Variants in LIMCH1 observed in about 807,000 individuals in gnomAD.
LIMCH1 encodes the protein LIM and calponin homology domains 1.
In LIMCH1, 113 loss-of-function variants were observed where a neutral mutation model predicts 176.5. That is an observed-to-expected ratio of 0.64 (90% CI 0.55 to 0.75). The LOEUF is 0.75. LIMCH1 is among the 30% of genes least tolerant of loss of function. The pLI is 0.00. For synonymous variants in LIMCH1, 619 were observed against 645.9 expected (o/e 0.96, Z 0.63); for missense variants, 1,674 against 1,814.9 (o/e 0.92, Z 1.41).
chr4:41,363,309 T>G (rs1413337806), intron 1 of LIMCH1, among the ~76,000 whole-genome samples: 1 of 152,180 alleles, frequency 6.6e-6, no homozygotes, highest in Non-Finnish European at 1.5e-5. Context: ...GATTGGTATC[T>G]CGAGACAATT....
At chr4:41,380,861 A>T (rs145760654) in intron 1 of LIMCH1, among the ~76,000 whole-genome samples, 8 of 152,232 alleles carry the variant, frequency 5.3e-5, no homozygotes, top group Non-Finnish European at 1.2e-4. Context: ...GGAATAAAAT[A>T]ATCAGTATTT....
At chr4:41,658,204 C>CT (rs1346128602) in intron 18 of LIMCH1, among the ~76,000 whole-genome samples, 1 of 152,168 alleles carries the variant, frequency 6.6e-6, no homozygotes, top group Admixed American at 6.5e-5. Flanking sequence ...TACCTACCTC[C>CT]TAAGCTTGCT....
chr4:41,602,106 G>T, intron 2 of LIMCH1, among the ~76,000 whole-genome samples: 2 of 92,286 alleles, frequency 2.2e-5, no homozygotes, highest in East Asian at 4.2e-4. Flanking sequence ...TTTTCTTTTA[G>T]AAGAAACTTG....
chr4:41,600,204 A>G (rs1436863930), intron 2 of LIMCH1, among the ~76,000 whole-genome samples: 23 of 152,238 alleles, frequency 1.5e-4, no homozygotes, highest in Admixed American at 1.5e-3. Flanking sequence ...ACTAAGCGAA[A>G]AAATAACAGA....
At chr4:41,666,536 T>C in intron 20 of LIMCH1, 25 bp from the exon 21 acceptor site, 1 of 1,484,348 alleles carries the variant, frequency 6.7e-7, no homozygotes, top group Non-Finnish European at 9.4e-7. Flanking sequence ...TCTTGCAATA[T>C]TTATACCTGT....
At chr4:41,553,172 C>T (rs2080759011) in intron 1 of LIMCH1, among the ~76,000 whole-genome samples, 2 of 152,164 alleles carry the variant, frequency 1.3e-5, no homozygotes, top group East Asian at 3.9e-4. Context: ...TGATTTAGTT[C>T]TGTTATCATG....
chr4:41,413,486 T>A (rs1262004467), intron 1 of LIMCH1, among the ~76,000 whole-genome samples: 1 of 147,804 alleles, frequency 6.8e-6, no homozygotes, highest in Non-Finnish European at 1.5e-5. Flanking sequence ...CATGCCACCA[T>A]GCCTGGCTAT....
chr4:41,595,803 A>G lies in LIMCH1; in HGVS notation c.-240-3117A>G, dbSNP rs1356405908. ...CTGGACATGGTGGCTCATGCCTGTA[A>G]TCCCAGCACGTTGCAGGGCCAAGGT... On this transcript the variant is annotated intron_variant, in intron 1 of 31. Coordinates refer to ENST00000503057, the MANE Select transcript of LIMCH1 (RefSeq NM_001330672.2). Among the ~76,000 whole-genome samples, 7 of 152,134 alleles carry G rather than the reference A, an allele frequency of 4.6e-5. No homozygotes were observed. In the South Asian group the frequency reaches 8.3e-4, roughly 18 times the overall value.
At chr4:41,665,560 A>T (rs2094792941) in intron 20 of LIMCH1, among the ~76,000 whole-genome samples, 1 of 152,216 alleles carries the variant, frequency 6.6e-6, no homozygotes. Context: ...AGGGATCAGC[A>T]TATGATGAAA....
intron 2 of LIMCH1, among the ~76,000 whole-genome samples, chr4:41,508,288 T>A (rs780672893): frequency 9.9e-5 from 15 of 152,090 alleles, no homozygotes; most frequent in Non-Finnish European, 1.5e-4. Context: ...CCTGGTAGAG[T>A]ATAGTGATGA....
intron 1 of LIMCH1, among the ~76,000 whole-genome samples, chr4:41,404,236 G>T (rs1330711859): frequency 6.6e-6 from 1 of 152,076 alleles, no homozygotes; most frequent in Non-Finnish European, 1.5e-5. Context: ...AGTGGGGAGG[G>T]AAAGGAGCTT....
chr4:41,390,986 G>A (rs1456914270), intron 1 of LIMCH1, among the ~76,000 whole-genome samples: 1 of 152,150 alleles, frequency 6.6e-6, no homozygotes, highest in Non-Finnish European at 1.5e-5. Flanking sequence ...ATTCTCTTAT[G>A]TGGGAAGAAC....
chr4:41,671,524 C>CT (rs770443306), intron 21 of LIMCH1, 30 bp from the exon 22 acceptor site: 29 of 1,582,184 alleles, frequency 1.8e-5, no homozygotes, highest in Middle Eastern at 3.7e-4. Flanking sequence ...ACATTCATAT[C>CT]TTTTTTTTCT....
At chr4:41,613,997 C>T (rs1180275377) in intron 5 of LIMCH1, among the ~76,000 whole-genome samples, 1 of 152,180 alleles carries the variant, frequency 6.6e-6, no homozygotes, top group Non-Finnish European at 1.5e-5. Context: ...GGTTTATATA[C>T]TCTGGGCATG....
Position 41,646,860 on chromosome 4 carries a change from C to CA in LIMCH1, c.2792dup (p.Asn931LysfsTer10). The stretch of plus-strand genomic sequence containing the variant: ...TGACACCCAAGCCTTACTCCCAGCC[C>CA]AAAAATTCTCAAGATGTTCTGAAGA... On this transcript the variant is annotated frameshift_variant, in exon 17 of 32. Transcript: ENST00000503057. LOFTEE classifies it high-confidence loss of function. 1 of 1,613,848 alleles carries CA rather than the reference C, an allele frequency of 6.2e-7. No homozygotes were observed. The highest frequency in any genetic ancestry group is 1.3e-5 in the African/African-American group (1 of 75,024).
intron 21 of LIMCH1, among the ~76,000 whole-genome samples, chr4:41,668,598 C>G (rs566455154): frequency 6.6e-6 from 1 of 152,066 alleles, no homozygotes; most frequent in African/African-American, 2.4e-5. Flanking sequence ...TTACCCAAGT[C>G]GAATGACTAA....
chr4:41,534,827 A>T (rs2077703462), upstream of LIMCH1, among the ~76,000 whole-genome samples: 1 of 152,132 alleles, frequency 6.6e-6, no homozygotes, highest in African/African-American at 2.4e-5. Context: ...GGAGTTTGAG[A>T]CTACAGGAAA....
chr4:41,677,271 C>T (rs1457741739), intron 23 of LIMCH1, among the ~76,000 whole-genome samples: 2 of 151,676 alleles, frequency 1.3e-5, no homozygotes, highest in Non-Finnish European at 2.9e-5. Context: ...ATTAGCCGGG[C>T]GTGGTGTCAC....
chr4:41,659,003 C>T (rs554453266), intron 18 of LIMCH1, among the ~76,000 whole-genome samples: 2 of 152,280 alleles, frequency 1.3e-5, no homozygotes, highest in African/African-American at 2.4e-5. Context: ...AAAATACCAT[C>T]ATGTATTAAT....
Sources: gnomAD v4.1 joint callset for allele counts (sites outside exome capture counted in the v4.1 genomes callset) on GRCh38, gnomAD v4.1.1 for gene constraint, MANE v1.5 for transcripts, NCBI Gene and HGNC (gene_info 2026-07-23, HGNC 2026-07-21) for gene names.